The following ATL2 variants were observed in gnomAD, a reference collection of about 807,000 sequenced individuals.
ATL2 encodes atlastin GTPase 2.
In ATL2, 31 loss-of-function variants were observed where a neutral mutation model predicts 73.9. The observed-to-expected ratio is 0.42, with a 90% CI of 0.32 to 0.57. The LOEUF is 0.57. ATL2 is among the 20% of genes least tolerant of loss of function. The pLI, the probability that ATL2 is intolerant of heterozygous loss-of-function variation, is 0.14. For synonymous variants in ATL2, 291 were observed against 237.5 expected, an observed-to-expected ratio of 1.23 and a Z score of -2.07; for missense variants, 738 against 702.6, an observed-to-expected ratio of 1.05 and a Z score of -0.57.
chr2:38,353,411 G>C (rs1285627130), intron 1 of ATL2, among the ~76,000 whole-genome samples: 5 of 152,098 alleles, frequency 3.3e-5, no homozygotes, highest in Non-Finnish European at 7.4e-5. Context: ...CTGAAGTACA[G>C]AGAGAAAAAA....
chr2:38,362,921 T>C (rs1479313223), intron 1 of ATL2, among the ~76,000 whole-genome samples: 1 of 152,166 alleles, frequency 6.6e-6, no homozygotes, highest in Non-Finnish European at 1.5e-5. Context: ...CTGAAAGACA[T>C]GGACATCTGG....
At chr2:38,333,984 A>G (rs994679226) in intron 2 of ATL2, among the ~76,000 whole-genome samples, 1 of 150,548 alleles carries the variant, frequency 6.6e-6, no homozygotes, top group Non-Finnish European at 1.5e-5. Flanking sequence ...GGACCCCAAT[A>G]TGCTAAGGGG....
intron 10 of ATL2, 108 bp downstream of exon 10, chr2:38,300,164 A>G (rs1667108848): frequency 3.1e-6 from 3 of 965,646 alleles, no homozygotes; most frequent in Non-Finnish European, 4.7e-6. Context: ...ATGTGTTTGC[A>G]TGCAAAAAAG....
chr2:38,317,921 G>A (rs1438864351), intron 4 of ATL2, among the ~76,000 whole-genome samples: 1 of 152,156 alleles, frequency 6.6e-6, no homozygotes, highest in Non-Finnish European at 1.5e-5. Context: ...AACCATGCAT[G>A]GAAATGTAAA....
intron 2 of ATL2, among the ~76,000 whole-genome samples, chr2:38,322,968 C>T (rs190821450): frequency 3.9e-5 from 6 of 152,322 alleles, no homozygotes; most frequent in African/African-American, 1.4e-4. Context: ...ATTTCTCTAA[C>T]ATAGTGAACA....
intron 1 of ATL2, 90 bp downstream of exon 1, chr2:38,377,053 C>T (rs1025361423): frequency 1.6e-6 from 2 of 1,283,762 alleles, no homozygotes; most frequent in Admixed American, 4.5e-5. Context: ...CGGACTCCGA[C>T]CCCGCCGCCT....
intron 2 of ATL2, among the ~76,000 whole-genome samples, chr2:38,331,207 G>A (rs1468155019): frequency 6.6e-6 from 1 of 151,990 alleles, no homozygotes; most frequent in African/African-American, 2.4e-5. Flanking sequence ...GGCCGAGGTG[G>A]GCGGATCACG....
At chr2:38,357,312 G>A (rs540740500) in intron 1 of ATL2, among the ~76,000 whole-genome samples, 3 of 150,948 alleles carry the variant, frequency 2.0e-5, no homozygotes, top group African/African-American at 7.3e-5. Context: ...TGGCAACAGA[G>A]GAAGACTCCG....
At chr2:38,320,146 C>G in intron 2 of ATL2, among the ~76,000 whole-genome samples, 1 of 152,094 alleles carries the variant, frequency 6.6e-6, no homozygotes, top group Admixed American at 6.6e-5. Context: ...AAAATAACCC[C>G]AAGACTTGTT....
rs748028201 is a variant in ATL2, at chr2:38,343,364, T to C, written c.267A>G (p.Ile89Met). 4.3e-6 allele frequency: 7 copies of C among 1,612,108 alleles called. No individual in the cohort carries two copies. In the South Asian group the frequency reaches 7.7e-5, roughly 18 times the overall value. Residue 89 changes from isoleucine (I) to methionine (M), a missense_variant, in exon 2 of 13, where the codon ATA (isoleucine) becomes ATG (methionine). Physicochemically the swap from Ile to Met is conservative, Grantham distance 10. Coordinates refer to ENST00000378954, the MANE Select transcript of ATL2 (RefSeq NM_001135673.4). ...ALEQILLQEH[I>M]RDLNIVVVSV... ...ATACCACTACTATGTTAAGATCTCG[T>C]ATGTGCTCCTGTAGCAATATCTGCT...
chr2:38,295,860 CAGCCATCTGTGAAGCCAGTTACA>C lies in ATL2; in HGVS notation c.*111_*133del, dbSNP rs1666863221. 1 of 698,220 alleles carries C rather than the reference CAGCCATCTGTGAAGCCAGTTACA, an allele frequency of 1.4e-6. No homozygotes were observed. 43.3% of individuals were successfully genotyped at this position (698,220 alleles called of 1,614,324 possible). A position where few individuals can be genotyped will look rare whatever the true frequency, so the allele number is the denominator to read the frequency against. On this transcript the variant is annotated 3_prime_UTR_variant, in exon 13 of 13. Coordinates refer to ENST00000378954, the MANE Select transcript of ATL2 (RefSeq NM_001135673.4). Reference sequence around the variant, plus strand: ...AACAAACAATCTTCACACTCTGTGGCAGCCATCTGTGAAGCCAGTTACACTAAACTACTTCTACAGTTGATTGT... The same window carrying C: ...AACAAACAATCTTCACACTCTGTGGCCTAAACTACTTCTACAGTTGATTGT...
chr2:38,366,402 T>C (rs1573589316), intron 1 of ATL2, among the ~76,000 whole-genome samples: 1 of 152,352 alleles, frequency 6.6e-6, no homozygotes, highest in East Asian at 1.9e-4. Context: ...GGTCTTTCAG[T>C]TGCCTCTATC....
At chr2:38,336,472 G>C (rs1447695344) in intron 2 of ATL2, among the ~76,000 whole-genome samples, 2 of 152,150 alleles carry the variant, frequency 1.3e-5, no homozygotes, top group Non-Finnish European at 2.9e-5. Context: ...CCAGTGCATA[G>C]CAAGAAAAGT....
intron 2 of ATL2, among the ~76,000 whole-genome samples, chr2:38,320,034 T>C (rs529273137): frequency 6.6e-5 from 10 of 152,026 alleles, no homozygotes; most frequent in African/African-American, 2.4e-4. Context: ...CTTGAACCCG[T>C]GGGCAGAGGT....
intron 1 of ATL2, among the ~76,000 whole-genome samples, chr2:38,371,310 T>C (rs1671676720): frequency 6.6e-6 from 1 of 151,734 alleles, no homozygotes; most frequent in Non-Finnish European, 1.5e-5. Flanking sequence ...AGTTTGAGAC[T>C]AACCTGGACA....
intron 1 of ATL2, among the ~76,000 whole-genome samples, chr2:38,370,150 CAA>C (rs962952444): frequency 3.4e-4 from 15 of 43,918 alleles, no homozygotes; most frequent in Admixed American, 5.4e-4. Flanking sequence ...GAGACTCCGT[CAA>C]AAAAAAAAAA....
intron 1 of ATL2, among the ~76,000 whole-genome samples, chr2:38,370,883 A>G (rs1433508298): frequency 1.3e-5 from 2 of 151,876 alleles, no homozygotes; most frequent in Non-Finnish European, 2.9e-5. Flanking sequence ...GGTGCACCCC[A>G]GAAGTTCAAG....
intron 1 of ATL2, among the ~76,000 whole-genome samples, chr2:38,359,337 C>T (rs1238070790): frequency 6.6e-6 from 1 of 151,830 alleles, no homozygotes; most frequent in African/African-American, 2.4e-5. Flanking sequence ...AGGCGTGGTG[C>T]CACACGCCTG....
intron 2 of ATL2, among the ~76,000 whole-genome samples, chr2:38,337,599 CA>C (rs1018659126): frequency 1.4e-5 from 2 of 142,534 alleles, no homozygotes; most frequent in South Asian, 2.3e-4. Context: ...TTGTAATGTT[CA>C]AAAAAGTCCT....
Sources: allele counts gnomAD v4.1 joint callset (sites outside exome capture counted in the v4.1 genomes callset), GRCh38; gene constraint gnomAD v4.1.1; transcripts MANE v1.5; gene names NCBI Gene and HGNC (gene_info 2026-07-23, HGNC 2026-07-21).